Variants in PDZD8 observed in about 807,000 individuals in gnomAD.
PDZD8 encodes PDZ domain-containing protein 8.
PDZD8 carries 14 observed loss-of-function variants against 85.8 expected under a neutral mutation model. The observed-to-expected ratio is 0.16, with a 90% CI of 0.11 to 0.26. The LOEUF (loss-of-function observed/expected upper bound fraction) is 0.26, where lower values mean the gene tolerates loss of function less well. PDZD8 is among the 10% of genes least tolerant of loss of function. PDZD8 has a pLI of 1.00. For synonymous variants in PDZD8, 592 were observed against 568.6 expected (o/e 1.04, Z -0.59); for missense variants, 1,197 against 1,424.3 (o/e 0.84, Z 2.57).
intron 2 of PDZD8, among the ~76,000 whole-genome samples, chr10:117,336,752 G>A (rs1039457206): frequency 1.3e-5 from 2 of 152,066 alleles, no homozygotes; most frequent in African/African-American, 2.4e-5. Flanking sequence ...GGACAGTAAA[G>A]AATTATAACC....
chr10:117,366,974 G>T (rs1046683137), intron 1 of PDZD8, among the ~76,000 whole-genome samples: 2 of 152,184 alleles, frequency 1.3e-5, no homozygotes, highest in African/African-American at 4.8e-5. Flanking sequence ...TAGATTGTTA[G>T]TAATACTTGT....
At chr10:117,301,304 G>A (rs1003653024) in intron 3 of PDZD8, among the ~76,000 whole-genome samples, 15 of 151,986 alleles carry the variant, frequency 9.9e-5, no homozygotes, top group African/African-American at 3.4e-4. Flanking sequence ...CATTTTTGAG[G>A]GACCAGTATA....
At position 117,284,510 on chromosome 10, in the gene PDZD8, T is replaced by C; in HGVS notation, c.2223A>G (p.Leu741=). The change falls in exon 5 of 5, where the codon TTA becomes TTG. Residue 741 remains leucine (L), a synonymous_variant. Transcript: ENST00000334464. ...CCGTGTTTGATGTAGCTAGGCATCC[T>C]AAAGCCACATCTTCAAGTTTTAAAC... ...HVSLKLEDVA[L]GCLATSNTEY... is the part of the protein sequence containing the mutation. 1 of 1,614,152 alleles carries C rather than the reference T, an allele frequency of 6.2e-7. No homozygotes were observed. Among genetic ancestry groups the C allele is most frequent in the Non-Finnish European group, 8.5e-7 (1 of 1,180,032 alleles).
At chr10:117,341,437 G>C (rs890710687) in intron 1 of PDZD8, among the ~76,000 whole-genome samples, 8 of 152,156 alleles carry the variant, frequency 5.3e-5, no homozygotes, top group African/African-American at 1.7e-4. Flanking sequence ...TACGGTACAA[G>C]ATCAAAATTC....
At chr10:117,302,920 A>G (rs1440356929) in intron 3 of PDZD8, among the ~76,000 whole-genome samples, 1 of 152,178 alleles carries the variant, frequency 6.6e-6, no homozygotes, top group African/African-American at 2.4e-5. Context: ...GGAACTGTTA[A>G]GTCCCATTAA....
chr10:117,330,020 G>GGGATGGAGGGAT (rs1474553629), intron 2 of PDZD8, among the ~76,000 whole-genome samples: 7 of 61,086 alleles, frequency 1.1e-4, no homozygotes, highest in Non-Finnish European at 2.0e-4. Context: ...GAGGGAGGGA[G>GGGATGGAGGGAT]GGAGGGAAGG....
At chr10:117,290,455 G>A (rs1324978949) in intron 3 of PDZD8, 107 bp from the exon 4 acceptor site, 2 of 739,518 alleles carry the variant, frequency 2.7e-6, no homozygotes, top group Non-Finnish European at 4.1e-6. Flanking sequence ...GGCTGATGCT[G>A]ACTTTTCTAT....
intron 1 of PDZD8, among the ~76,000 whole-genome samples, chr10:117,355,691 G>A (rs764193025): frequency 3.9e-5 from 6 of 152,086 alleles, no homozygotes; most frequent in Non-Finnish European, 7.4e-5. Context: ...ATAATGAAAA[G>A]CACTTAGTAC....
At chr10:117,293,518 G>C (rs1034737571) in intron 3 of PDZD8, among the ~76,000 whole-genome samples, 15 of 151,948 alleles carry the variant, frequency 9.9e-5, no homozygotes, top group African/African-American at 3.4e-4. Context: ...AAAGTACAGA[G>C]AACAGTAAAA....
At chr10:117,373,912 C>T (rs1470228372) in intron 1 of PDZD8, among the ~76,000 whole-genome samples, 2 of 152,210 alleles carry the variant, frequency 1.3e-5, no homozygotes, top group African/African-American at 4.8e-5. Context: ...GCTATAAGCA[C>T]ACTCTTCACG....
chr10:117,351,722 C>T (rs550929200), intron 1 of PDZD8, among the ~76,000 whole-genome samples: 38 of 152,132 alleles, frequency 2.5e-4, no homozygotes, highest in Non-Finnish European at 5.0e-4. Flanking sequence ...GGGTCTTACT[C>T]TGTTGCCCAG....
chr10:117,287,793 T>G (rs977524147), intron 4 of PDZD8, among the ~76,000 whole-genome samples: 1 of 152,224 alleles, frequency 6.6e-6, no homozygotes, highest in Non-Finnish European at 1.5e-5. Context: ...CATTTGCCCC[T>G]TTAGCCTACA....
intron 2 of PDZD8, among the ~76,000 whole-genome samples, chr10:117,330,803 T>C (rs1331840536): frequency 2.0e-5 from 3 of 152,218 alleles, no homozygotes; most frequent in African/African-American, 7.2e-5. Flanking sequence ...ATCACCATTG[T>C]AACTTCTCTT....
intron 2 of PDZD8, among the ~76,000 whole-genome samples, chr10:117,339,025 G>C (rs772454210): frequency 2.7e-5 from 4 of 148,786 alleles, no homozygotes; most frequent in Non-Finnish European, 4.4e-5. Flanking sequence ...TTACAAAATA[G>C]ACAACATATT....
chr10:117,299,424 T>G (rs545536798), intron 3 of PDZD8, among the ~76,000 whole-genome samples: 6 of 152,300 alleles, frequency 3.9e-5, no homozygotes, highest in African/African-American at 1.4e-4. Flanking sequence ...GACTTTTAGA[T>G]TTCTCTTCTT....
intron 3 of PDZD8, among the ~76,000 whole-genome samples, chr10:117,291,778 A>G (rs1844771041): frequency 6.6e-6 from 1 of 151,884 alleles, no homozygotes; most frequent in Admixed American, 6.6e-5. Context: ...ATTTTCAGGA[A>G]TGTGGATACT....
At chr10:117,347,516 T>C (rs1227207990) in intron 1 of PDZD8, among the ~76,000 whole-genome samples, 1 of 152,184 alleles carries the variant, frequency 6.6e-6, no homozygotes, top group Admixed American at 6.5e-5. Flanking sequence ...AACCAAGCTG[T>C]ACCCCTGATC....
chr10:117,279,843 A>G lies in PDZD8; in HGVS notation c.*3425T>C, dbSNP rs1487682639. 6.6e-6 allele frequency: 1 copy of G among 152,226 alleles called. No homozygotes were observed. The highest frequency in any genetic ancestry group is 1.5e-5 in the Non-Finnish European group (1 of 68,030). The allele number at this position is 152,226 out of a possible 1,614,324, so 9.4% of individuals were successfully genotyped here. The stretch of plus-strand genomic sequence containing the variant: ...CCTGCGGTGAAAGTCCACATCTTTA[A>G]TCAGATCCTAAAAGCGGATCTATGG... On this transcript the variant is annotated 3_prime_UTR_variant, in exon 5 of 5. Coordinates refer to ENST00000334464, the MANE Select transcript of PDZD8 (RefSeq NM_173791.5).
intron 3 of PDZD8, among the ~76,000 whole-genome samples, chr10:117,303,099 T>C (rs1483166438): frequency 6.6e-6 from 1 of 152,096 alleles, no homozygotes; most frequent in African/African-American, 2.4e-5. Flanking sequence ...TTGGAACAGT[T>C]TGGAAGGCTC....
Sources: allele counts gnomAD v4.1 joint callset (sites outside exome capture counted in the v4.1 genomes callset), GRCh38; gene constraint gnomAD v4.1.1; transcripts MANE v1.5; gene names NCBI Gene and HGNC (gene_info 2026-07-23, HGNC 2026-07-21).